Variants in TF observed in about 807,000 individuals in gnomAD.
TF encodes serotransferrin.
Under a neutral mutation model 82.4 loss-of-function variants are expected in TF, and 55 were observed. The observed-to-expected ratio is 0.67, with a 90% CI of 0.54 to 0.84. TF has a LOEUF of 0.84. Ranked by LOEUF, TF falls within the 40% of genes least tolerant of loss-of-function variation. The pLI is 0.00. For synonymous variants in TF, 332 were observed against 332.6 expected (o/e 1.00, Z 0.02); for missense variants, 737 against 868.4 (o/e 0.85, Z 1.90).
At chr3:133,726,266 G>A in the TF span, among the ~76,000 whole-genome samples, 11 of 152,120 alleles carry the variant, frequency 7.2e-5, no homozygotes, top group Admixed American at 2.6e-4. Flanking sequence ...GGTAGAATTC[G>A]GCTGTGAATC....
chr3:133,694,750 G>A, the TF span, among the ~76,000 whole-genome samples: 7 of 152,254 alleles, frequency 4.6e-5, no homozygotes, highest in African/African-American at 1.7e-4. Flanking sequence ...CAGCCCCCTT[G>A]CAGGCACTTC....
the TF span, among the ~76,000 whole-genome samples, chr3:133,670,131 C>G: frequency 6.6e-6 from 1 of 152,182 alleles, no homozygotes; most frequent in Non-Finnish European, 1.5e-5. Flanking sequence ...TGGAAGCAGG[C>G]TGCCTAGTTT....
the TF span, among the ~76,000 whole-genome samples, chr3:133,674,331 AGGCTCCGG>A: frequency 6.6e-6 from 1 of 152,210 alleles, no homozygotes; most frequent in African/African-American, 2.4e-5. Flanking sequence ...GAAGCTGCTC[AGGCTCCGG>A]GGTGCTGCCC....
chr3:133,728,674 C>T, the TF span, among the ~76,000 whole-genome samples: 16,768 of 152,286 alleles, frequency 0.11, 1,196 homozygotes, highest in Non-Finnish European at 0.15. Flanking sequence ...CTTTTCCATC[C>T]AGCTTTGTTC....
chr3:133,734,671 A>G, the TF span, among the ~76,000 whole-genome samples: 2 of 152,228 alleles, frequency 1.3e-5, no homozygotes, highest in African/African-American at 4.8e-5. Flanking sequence ...CTCATTTTGC[A>G]ATCAATGTAG....
chr3:133,703,771 T>C, the TF span, among the ~76,000 whole-genome samples: 1 of 152,228 alleles, frequency 6.6e-6, no homozygotes, highest in Non-Finnish European at 1.5e-5. Flanking sequence ...TCTAGAGAAA[T>C]GAATTATTTA....
chr3:133,705,487 C>T, the TF span, among the ~76,000 whole-genome samples: 1,090 of 152,278 alleles, frequency 7.2e-3, 14 homozygotes, highest in Admixed American at 8.8e-3. Flanking sequence ...TCTTTCCCTT[C>T]AATGAGCACC....
At chr3:133,686,837 A>G in the TF span, among the ~76,000 whole-genome samples, 6 of 152,346 alleles carry the variant, frequency 3.9e-5, no homozygotes, top group South Asian at 2.1e-4. Flanking sequence ...CAACCATCCC[A>G]TTACTGGGTA....
At chr3:133,664,174 C>T in the TF span, among the ~76,000 whole-genome samples, 3 of 152,160 alleles carry the variant, frequency 2.0e-5, no homozygotes, top group Non-Finnish European at 4.4e-5. Context: ...GATTTTGGTA[C>T]ACATTAAAGT....
At chr3:133,764,124 G>A (rs889874881) in intron 9 of TF, 58 bp from the exon 10 acceptor site, 15 of 1,490,844 alleles carry the variant, frequency 1.0e-5, no homozygotes, top group Admixed American at 3.3e-5. Flanking sequence ...AGCTGGAAAA[G>A]TGGGTGGCAC....
chr3:133,732,700 C>A, the TF span, among the ~76,000 whole-genome samples: 5 of 152,180 alleles, frequency 3.3e-5, no homozygotes, highest in African/African-American at 1.2e-4. Context: ...ACTCCAGACA[C>A]GTCTGAACAT....
chr3:133,758,857 T>G (rs8177240), intron 8 of TF, among the ~76,000 whole-genome samples: 45,298 of 151,864 alleles, frequency 0.3, 7,473 homozygotes, highest in East Asian at 0.43. Flanking sequence ...ACAATGAACA[T>G]ATAAATAAGA....
the TF span, among the ~76,000 whole-genome samples, chr3:133,725,306 T>C: frequency 4.9e-3 from 748 of 152,300 alleles, 26 homozygotes; most frequent in Admixed American, 0.037. Context: ...GGTTCTTCCA[T>C]TTGTTTGTAT....
Position 133,748,522 on chromosome 3 carries a change from G to T in TF, c.154G>T (p.Asp52Tyr). 6.2e-7 allele frequency: 1 copy of T among 1,614,130 alleles called. No homozygotes were observed. The highest frequency in any genetic ancestry group is 8.5e-7 in the Non-Finnish European group (1 of 1,180,020). Residue 52 changes from aspartate (D) to tyrosine (Y), a missense_variant, in exon 2 of 17, where the codon GAT (aspartate) becomes TAT (tyrosine). Transcript: ENST00000402696. ...CCATATGAAAAGCGTCATTCCATCC[G>T]ATGGTCCCAGTGTTGCTTGTGTGAA... Reference protein sequence around the residue: ...RDHMKSVIPSDGPSVACVKKA... With the variant: ...RDHMKSVIPSYGPSVACVKKA...
At position 133,792,014 on chromosome 3, in the gene TF, T is replaced by G. The variant is rs1461298374; in HGVS notation, c.*13394T>G. On this transcript the variant is annotated 3_prime_UTR_variant, in exon 17 of 17. Transcript: ENST00000402696. ...AGATTATTGGTAAAATAAAAATATC[T>G]TCAAAATGTAAATATTTAGTCTAAA... The G allele has an allele frequency of 6.6e-6, 1 of 152,220 alleles. No individual in the cohort carries two copies. Among genetic ancestry groups the G allele is most frequent in the African/African-American group, 2.4e-5 (1 of 41,466 alleles). 9.4% of individuals were successfully genotyped at this position (152,220 alleles called of 1,614,324 possible).
At chr3:133,767,298 G>C (rs1264105888) in intron 12 of TF, among the ~76,000 whole-genome samples, 1 of 152,134 alleles carries the variant, frequency 6.6e-6, no homozygotes, top group Non-Finnish European at 1.5e-5. Context: ...TTTTCCAGTG[G>C]TTCTGATTTA....
At chr3:133,728,415 C>A in the TF span, among the ~76,000 whole-genome samples, 1 of 152,006 alleles carries the variant, frequency 6.6e-6, no homozygotes, top group Non-Finnish European at 1.5e-5. Flanking sequence ...CATCTTCCAT[C>A]ACTGATACCC....
chr3:133,696,984 A>G, the TF span, among the ~76,000 whole-genome samples: 2 of 152,196 alleles, frequency 1.3e-5, no homozygotes, highest in African/African-American at 4.8e-5. Flanking sequence ...TGCTAAGCTC[A>G]TTTTTATAAT....
chr3:133,775,716 C>A lies in TF; in HGVS notation c.1872+99C>A, dbSNP rs1362321419. On this transcript the variant is annotated intron_variant, in intron 15 of 16. Transcript: ENST00000402696. ...AGTGCAGCCATGACTCCAGCACTTT[C>A]TTTTTGAAAACTAGAATTCCATGCA... 4.7e-6 allele frequency: 6 copies of A among 1,264,718 alleles called. No individual in the cohort carries two copies. The African/African-American group carries it at 5.9e-5, about 12-fold the overall frequency. 78.3% of individuals were successfully genotyped at this position (1,264,718 alleles called of 1,614,324 possible).
Sources: allele counts gnomAD v4.1 joint callset (sites outside exome capture counted in the v4.1 genomes callset), GRCh38; gene constraint gnomAD v4.1.1; transcripts MANE v1.5; gene names NCBI Gene and HGNC (gene_info 2026-07-23, HGNC 2026-07-21).